Variants in MMP14 observed in about 807,000 individuals in gnomAD.
MMP14 encodes matrix metalloproteinase-14.
MMP14 carries 13 observed loss-of-function variants against 64.8 expected under a neutral mutation model. That is an observed-to-expected ratio of 0.20 (90% CI 0.13 to 0.32). The LOEUF (loss-of-function observed/expected upper bound fraction) is 0.32, where lower values mean the gene tolerates loss of function less well. Ranked by LOEUF, MMP14 falls within the 10% of genes least tolerant of loss-of-function variation. MMP14 has a pLI of 1.00. For missense variants in MMP14, 594 were observed against 783.8 expected, an observed-to-expected ratio of 0.76 and a Z score of 2.89; for synonymous variants, 322 against 315.9, an observed-to-expected ratio of 1.02 and a Z score of -0.20.
chr14:22,840,603 C>G (rs8011892), intron 1 of MMP14, among the ~76,000 whole-genome samples: 5,069 of 151,848 alleles, frequency 0.033, 261 homozygotes, highest in African/African-American at 0.12. Flanking sequence ...CCGCCTCCTG[C>G]GTTCACACCA....
chr14:22,842,474 C>T lies in MMP14; in HGVS notation c.445C>T (p.Arg149Cys), dbSNP rs748601843. 45 of 1,614,116 alleles carry T rather than the reference C, an allele frequency of 2.8e-5. No individual in the cohort carries two copies. Among genetic ancestry groups the T allele is most frequent in the Middle Eastern group, 1.7e-4 (1 of 6,060 alleles). The change falls in exon 4 of 10, where the codon CGC becomes TGC. Residue 149 changes from arginine (R) to cysteine (C), a missense_variant. This residue lies in a region of MMP14 where 179 missense variants were observed against 283.4 expected (regional missense o/e 0.63). Coordinates refer to ENST00000311852, the MANE Select transcript of MMP14 (RefSeq NM_004995.4). This position sits in a 1 kb window ranked among gnomAD's most constrained non-coding sequence, Gnocchi z 5.3. The stretch of plus-strand genomic sequence containing the variant: ...ATACGAGGCCATTCGCAAGGCGTTC[C>T]GCGTGTGGGAGAGTGCCACACCACT... ...ATYEAIRKAF[R>C]VWESATPLRF...
At position 22,843,603 on chromosome 14, in the gene MMP14, C is replaced by G; in HGVS notation, c.851-107C>G. ...TCCCAGTTGGTTGCTTCAGCCTCCC[C>G]TAGAAGCCCATCCACACCTTTCCAA... On this transcript the variant is annotated intron_variant, in intron 5 of 9. Transcript: ENST00000311852. This position sits in a 1 kb window ranked among gnomAD's most constrained non-coding sequence, Gnocchi z 4.8. 7.0e-7 allele frequency: 1 copy of G among 1,435,244 alleles called. No homozygotes were observed. The highest frequency in any genetic ancestry group is 9.5e-7 in the Non-Finnish European group (1 of 1,057,044). 88.9% of individuals were successfully genotyped at this position (1,435,244 alleles called of 1,614,324 possible).
chr14:22,844,725 G>C lies in MMP14; in HGVS notation c.1246G>C (p.Asp416His). 1 of 1,614,082 alleles carries C rather than the reference G, an allele frequency of 6.2e-7. No individual in the cohort carries two copies. The highest frequency in any genetic ancestry group is 8.5e-7 in the Non-Finnish European group (1 of 1,180,000). The change falls in exon 8 of 10, where the codon GAT (aspartate) becomes CAT (histidine). Residue 416 changes from aspartate to histidine, a missense_variant. Transcript: ENST00000311852. ...CCGAGGGCTGCCTACCGACAAGATT[G>C]ATGCTGCTCTCTTCTGGATGCCCAA... ...LGRGLPTDKI[D>H]AALFWMPNGK... is the part of the protein sequence containing the mutation.
chr14:22,837,235 G>C (rs1480557046), intron 1 of MMP14: 1 of 562,372 alleles, frequency 1.8e-6, no homozygotes, highest in African/African-American at 1.9e-5. Flanking sequence ...ATTCCCTTGG[G>C]CTCTGCTCTC....
At chr14:22,839,628 A>G (rs1483988987) in intron 1 of MMP14, among the ~76,000 whole-genome samples, 1 of 152,156 alleles carries the variant, frequency 6.6e-6, no homozygotes, top group Non-Finnish European at 1.5e-5. Context: ...CCATGTTGCA[A>G]TTCTTGCCCC....
At chr14:22,838,737 T>TC in intron 1 of MMP14, among the ~76,000 whole-genome samples, 1 of 151,982 alleles carries the variant, frequency 6.6e-6, no homozygotes, top group Non-Finnish European at 1.5e-5. Flanking sequence ...AGCCCTCTCC[T>TC]CCCCATGGCC....
rs528575896 is a variant in MMP14 at position 22,846,046 on chromosome 14, C to T, written c.*7C>T. 10 of 1,462,816 alleles carry T rather than the reference C, an allele frequency of 6.8e-6. No homozygotes were observed. Among genetic ancestry groups the T allele is most frequent in the Non-Finnish European group, 8.1e-6 (9 of 1,106,174 alleles). The allele number at this position is 1,462,816 out of a possible 1,614,324, so 90.6% of individuals were successfully genotyped here. ...CCTGCTGGACAAGGTCTGACGCCCACCGCCGGCCCGCCCACTCCTACCACA... is the reference window on the plus strand; with the variant it reads ...CCTGCTGGACAAGGTCTGACGCCCATCGCCGGCCCGCCCACTCCTACCACA... On this transcript the variant is annotated 3_prime_UTR_variant, in exon 10 of 10. Coordinates refer to ENST00000311852, the MANE Select transcript of MMP14 (RefSeq NM_004995.4).
chr14:22,844,344 A>G, intron 6 of MMP14, 27 bp from the exon 7 acceptor site: 1 of 1,613,526 alleles, frequency 6.2e-7, no homozygotes, highest in South Asian at 1.1e-5. Context: ...GACATAATGG[A>G]CTTTTCCTGC....
chr14:22,844,231 G>C (rs2039795406), intron 6 of MMP14, 140 bp from the exon 7 acceptor site: 2 of 1,257,354 alleles, frequency 1.6e-6, no homozygotes, highest in African/African-American at 1.5e-5. Context: ...CTCTGTGGTA[G>C]GGCGGCTGGG....
At position 22,839,962 on chromosome 14, in the gene MMP14, C is replaced by CTTTTTT. The variant is rs577502772; in HGVS notation, c.109-1510_109-1505dup. On this transcript the variant is annotated intron_variant, in intron 1 of 9. Transcript: ENST00000311852. Reference sequence around the variant, plus strand: ...TTCATATATAACTTGGCTTGTTTTACTTTTTTTTTTTTTTTTTTTTTTTTG... The same window carrying CTTTTTT: ...TTCATATATAACTTGGCTTGTTTTACTTTTTTTTTTTTTTTTTTTTTTTTTTTTTTG... 4.4e-4 allele frequency among the ~76,000 whole-genome samples: 40 copies of CTTTTTT among 90,800 alleles called. 1 individual carries two copies. Among genetic ancestry groups the CTTTTTT allele is most frequent in the African/African-American group, 1.6e-3 (31 of 19,520 alleles). 59.6% of individuals were successfully genotyped at this position (90,800 alleles called of 152,430 possible).
chr14:22,837,487 TC>T (rs2039743087), intron 1 of MMP14: 2 of 442,690 alleles, frequency 4.5e-6, no homozygotes, highest in Non-Finnish European at 9.1e-6. Flanking sequence ...AGCCCCCGTC[TC>T]CCCGAGAGGA....
intron 8 of MMP14, 140 bp from the exon 9 acceptor site, chr14:22,845,111 A>G (rs752615302): frequency 1.1e-3 from 736 of 655,946 alleles, no homozygotes; most frequent in Non-Finnish European, 1.6e-3. Flanking sequence ...CGCTTTCAGC[A>G]GCAGGTCCTC....
chr14:22,845,950 G>A lies in MMP14; in HGVS notation c.1660G>A (p.Ala554Thr), dbSNP rs1432544987. The A allele has an allele frequency of 1.3e-6, 2 of 1,592,228 alleles. No homozygotes were observed. The highest frequency in any genetic ancestry group is 1.7e-6 in the Non-Finnish European group (2 of 1,168,638). Residue 554 changes from alanine (A) to threonine (T), a missense_variant, in exon 10 of 10, where the codon GCG becomes ACG. This residue lies in a region of MMP14 where 364 missense variants were observed against 425.2 expected (regional missense o/e 0.86). Coordinates refer to ENST00000311852, the MANE Select transcript of MMP14 (RefSeq NM_004995.4). ...LPVLLLLLVL[A>T]VGLAVFFFRR... ...CGTGCTGCTGCTGCTCCTGGTGCTGGCGGTGGGCCTTGCAGTCTTCTTCTT... is the reference window on the plus strand; with the variant it reads ...CGTGCTGCTGCTGCTCCTGGTGCTGACGGTGGGCCTTGCAGTCTTCTTCTT...
rs1273799740 is a variant in MMP14, at chr14:22,836,803, C to G, written c.-15C>G. 2 of 1,555,504 alleles carry G rather than the reference C, an allele frequency of 1.3e-6. No individual in the cohort carries two copies. Among genetic ancestry groups the G allele is most frequent in the Non-Finnish European group, 1.8e-6 (2 of 1,137,564 alleles). On this transcript the variant is annotated 5_prime_UTR_variant, in exon 1 of 10. Transcript: ENST00000311852. ...CGGAGCCCACACTGCCCGGCTGACC[C>G]GGTGGTCTCGGACCATGTCTCCCGC...
At chr14:22,845,416 G>A in intron 9 of MMP14, 50 bp downstream of exon 9, 1 of 1,374,260 alleles carries the variant, frequency 7.3e-7, no homozygotes, top group Non-Finnish European at 1.0e-6. Context: ...GGAATAGGGA[G>A]TTGAGGAAGA....
At position 22,845,796 on chromosome 14, in the gene MMP14, G is replaced by A; in HGVS notation, c.1506G>A (p.Leu502=). The change falls in exon 10 of 10, where the codon CTG becomes CTA. Residue 502 remains leucine (L), a synonymous_variant. Transcript: ENST00000311852. The part of the protein sequence containing the change: ...KVEPGYPKSA[L]RDWMGCPSGG... ...AACCGGGCTACCCCAAGTCAGCCCT[G>A]AGGGACTGGATGGGCTGCCCATCGG... 2.5e-6 allele frequency: 4 copies of A among 1,614,196 alleles called. No individual in the cohort carries two copies. The highest frequency in any genetic ancestry group is 2.2e-5 in the South Asian group (2 of 91,084).
chr14:22,845,443 A>G, intron 9 of MMP14, 77 bp downstream of exon 9: 10 of 1,126,224 alleles, frequency 8.9e-6, no homozygotes, highest in African/African-American at 1.5e-5. Flanking sequence ...GGGAAGCCTG[A>G]GGGAGTGCTG....
chr14:22,845,404 T>C (rs1198326107), intron 9 of MMP14, 38 bp downstream of exon 9: 1 of 1,459,254 alleles, frequency 6.9e-7, no homozygotes, highest in East Asian at 2.3e-5. Flanking sequence ...GAGAGAAGGA[T>C]GGGAATAGGG....
rs1431776595 is a variant in MMP14, at chr14:22,846,209, C to G, written c.*170C>G. 1.2e-5 allele frequency: 8 copies of G among 649,702 alleles called. No homozygotes were observed. The East Asian group carries it at 2.0e-4, about 16-fold the overall frequency. 40.2% of individuals were successfully genotyped at this position (649,702 alleles called of 1,614,324 possible). On this transcript the variant is annotated 3_prime_UTR_variant, in exon 10 of 10. Coordinates refer to ENST00000311852, the MANE Select transcript of MMP14 (RefSeq NM_004995.4). ...TCCTTCACCCTGACCGCCTCCCTCC[C>G]TCCTGCCCCGGCATTGCATCTTCCC...
Sources: allele counts gnomAD v4.1 joint callset (sites outside exome capture counted in the v4.1 genomes callset), GRCh38; gene constraint gnomAD v4.1.1; regional missense constraint gnomAD v4.1.1; non-coding constraint Gnocchi (gnomAD v3.1); transcripts MANE v1.5; gene names NCBI Gene and HGNC (gene_info 2026-07-23, HGNC 2026-07-21).